Variants in ADAMTSL1 observed in about 807,000 individuals in gnomAD.
The protein encoded by ADAMTSL1 is ADAMTS-like protein 1.
ADAMTSL1 carries 126 observed loss-of-function variants against 201.8 expected under a neutral mutation model. The ratio of observed to expected loss-of-function variants is 0.62; its 90% CI spans 0.54 to 0.72. The LOEUF is 0.72. Among genes scored for constraint, ADAMTSL1 ranks in the 30% least tolerant of loss-of-function variants. The pLI is 0.00. For missense variants in ADAMTSL1, 2,679 were observed against 2,277.8 expected (o/e 1.18, Z -3.59); for synonymous variants, 1,121 against 903.4 (o/e 1.24, Z -4.32).
At chr9:18,010,166 C>A (rs182481338) in intron 1 of ADAMTSL1, among the ~76,000 whole-genome samples, 3 of 152,064 alleles carry the variant, frequency 2.0e-5, no homozygotes, top group South Asian at 4.1e-4. Context: ...GTTTTTCAGA[C>A]GAAACTGAAG....
At chr9:18,092,840 A>G (rs967843) in intron 1 of ADAMTSL1, among the ~76,000 whole-genome samples, 1 of 152,248 alleles carries the variant, frequency 6.6e-6, no homozygotes, top group Non-Finnish European at 1.5e-5. Flanking sequence ...TAAGATTTGT[A>G]ATGAAAATAT....
At chr9:18,582,609 G>C (rs1435506310) in intron 4 of ADAMTSL1, among the ~76,000 whole-genome samples, 1 of 152,116 alleles carries the variant, frequency 6.6e-6, no homozygotes, top group African/African-American at 2.4e-5. Flanking sequence ...AGCACTTTGG[G>C]AGGCTGAGGT....
At chr9:18,092,615 C>T (rs1450521205) in intron 1 of ADAMTSL1, among the ~76,000 whole-genome samples, 1 of 152,126 alleles carries the variant, frequency 6.6e-6, no homozygotes, top group African/African-American at 2.4e-5. Context: ...CAGTCTTTCC[C>T]CAATACTTGT....
chr9:18,299,912 G>C (rs992215523), intron 2 of ADAMTSL1, among the ~76,000 whole-genome samples: 2 of 152,220 alleles, frequency 1.3e-5, no homozygotes, highest in Non-Finnish European at 2.9e-5. Flanking sequence ...GATTAGAATT[G>C]TATCAGCCTT....
At position 18,908,680 on chromosome 9, in the gene ADAMTSL1, T is replaced by TCCTCCA. The variant is rs1255976869; in HGVS notation, c.*142_*147dup. Reference sequence around the variant, plus strand: ...CCACTCCACACACACCCTTCCAACCTCCTCCACCTCCACCTTCAAGCATAA... The same window carrying TCCTCCA: ...CCACTCCACACACACCCTTCCAACCTCCTCCACCTCCACCTCCACCTTCAAGCATAA... On this transcript the variant is annotated 3_prime_UTR_variant, in exon 29 of 29. Coordinates refer to ENST00000380548, the MANE Select transcript of ADAMTSL1 (RefSeq NM_001040272.6). 18 of 669,082 alleles carry TCCTCCA rather than the reference T, an allele frequency of 2.7e-5. No homozygotes were observed. The East Asian group carries it at 4.5e-4, about 17-fold the overall frequency. 41.4% of individuals were successfully genotyped at this position (669,082 alleles called of 1,614,324 possible). A position where few individuals can be genotyped will look rare whatever the true frequency, so the allele number is the denominator to read the frequency against.
At chr9:18,287,632 C>T (rs61012865) in intron 2 of ADAMTSL1, among the ~76,000 whole-genome samples, 39,193 of 142,402 alleles carry the variant, frequency 0.28, 6,996 homozygotes, top group African/African-American at 0.48. Context: ...TACATATACG[C>T]ATATATGTAT....
intron 2 of ADAMTSL1, among the ~76,000 whole-genome samples, chr9:18,273,931 A>C (rs1423696010): frequency 6.6e-6 from 1 of 152,194 alleles, no homozygotes; most frequent in African/African-American, 2.4e-5. Flanking sequence ...TTATGCATTA[A>C]ATTCTGGAAA....
At chr9:18,706,388 G>C (rs1832234263) in intron 13 of ADAMTSL1, among the ~76,000 whole-genome samples, 1 of 152,084 alleles carries the variant, frequency 6.6e-6, no homozygotes, top group South Asian at 2.1e-4. Context: ...TTTTATTAGT[G>C]GGGTCTTATA....
At chr9:18,124,413 CA>C (rs1825649006) in intron 1 of ADAMTSL1, among the ~76,000 whole-genome samples, 1 of 152,054 alleles carries the variant, frequency 6.6e-6, no homozygotes, top group African/African-American at 2.4e-5. Context: ...AATATCTATT[CA>C]AATGTTTTGC....
intron 13 of ADAMTSL1, among the ~76,000 whole-genome samples, chr9:18,693,616 G>C (rs1051370899): frequency 6.6e-6 from 1 of 152,114 alleles, no homozygotes; most frequent in African/African-American, 2.4e-5. Context: ...TTCAGTCTTT[G>C]GCCCTAAGAA....
intron 2 of ADAMTSL1, among the ~76,000 whole-genome samples, chr9:18,301,399 C>T (rs756347025): frequency 9.9e-5 from 15 of 152,150 alleles, no homozygotes; most frequent in Non-Finnish European, 8.8e-5. Context: ...TTTCCACTGG[C>T]GATCTGTTCC....
intron 7 of ADAMTSL1, among the ~76,000 whole-genome samples, chr9:18,650,191 G>A (rs916961578): frequency 6.6e-6 from 1 of 152,204 alleles, no homozygotes; most frequent in Non-Finnish European, 1.5e-5. Context: ...GGGACCCTCT[G>A]AGCCATGTGC....
chr9:18,326,856 T>C (rs1411175758), intron 2 of ADAMTSL1, among the ~76,000 whole-genome samples: 1 of 152,264 alleles, frequency 6.6e-6, no homozygotes, highest in Non-Finnish European at 1.5e-5. Flanking sequence ...ATAAGGCTAC[T>C]TGCCATTATT....
rs144973372 is a variant in ADAMTSL1 at position 18,517,049 on chromosome 9, T to G, written c.191+12093T>G. ...TTGTTAGAGTCCTAGAGTTTCATAATATACATTTTCCTCAAGGGGAAGATG... is the reference window on the plus strand; with the variant it reads ...TTGTTAGAGTCCTAGAGTTTCATAAGATACATTTTCCTCAAGGGGAAGATG... On this transcript the variant is annotated intron_variant, in intron 2 of 28. Coordinates refer to ENST00000380548, the MANE Select transcript of ADAMTSL1 (RefSeq NM_001040272.6). 1.5e-4 allele frequency among the ~76,000 whole-genome samples: 23 copies of G among 152,338 alleles called. No individual in the cohort carries two copies. The East Asian group carries it at 3.5e-3, about 23-fold the overall frequency.
intron 1 of ADAMTSL1, among the ~76,000 whole-genome samples, chr9:18,151,935 CA>C (rs1442006422): frequency 6.6e-6 from 1 of 152,028 alleles, no homozygotes; most frequent in African/African-American, 2.4e-5. Flanking sequence ...GTGAGTCAGT[CA>C]AGGTGGAAAT....
intron 2 of ADAMTSL1, among the ~76,000 whole-genome samples, chr9:18,379,937 T>C (rs547023809): frequency 3.3e-5 from 5 of 152,302 alleles, no homozygotes; most frequent in African/African-American, 1.2e-4. Flanking sequence ...TGTTTTCCCA[T>C]TCCACGGGCA....
chr9:18,486,511 C>A (rs12344921), intron 1 of ADAMTSL1, among the ~76,000 whole-genome samples: 1 of 152,140 alleles, frequency 6.6e-6, no homozygotes, highest in African/African-American at 2.4e-5. Flanking sequence ...CAAGACCAAC[C>A]TGGGCAACAT....
chr9:18,580,557 A>G (rs886465415), intron 4 of ADAMTSL1, among the ~76,000 whole-genome samples: 2 of 152,198 alleles, frequency 1.3e-5, no homozygotes, highest in Admixed American at 1.3e-4. Flanking sequence ...CATAGTAAAG[A>G]TAAAACTAAC....
rs555324756 is a variant in ADAMTSL1, at chr9:18,289,898, A to G, written c.207+125917A>G. On this transcript the variant is annotated intron_variant, in intron 2 of 29. Transcript: ENST00000680146. ...GGAAAACAACATGAAAACAAATACA[A>G]TGATTGCAAAGGTAACCAGCTAGTG... Among the ~76,000 whole-genome samples the G allele has an allele frequency of 3.0e-4, 46 of 152,352 alleles. No homozygotes were observed. The Middle Eastern group carries it at 0.01, about 34-fold the overall frequency.
Sources: gnomAD v4.1 joint callset for allele counts (sites outside exome capture counted in the v4.1 genomes callset) on GRCh38, gnomAD v4.1.1 for gene constraint, MANE v1.5 for transcripts, NCBI Gene and HGNC (gene_info 2026-07-23, HGNC 2026-07-21) for gene names.